Variants in FREM2 observed in about 807,000 individuals in gnomAD.
The protein encoded by FREM2 is FRAS1-related extracellular matrix protein 2.
FREM2 carries 119 observed loss-of-function variants against 219.9 expected under a neutral mutation model. The ratio of observed to expected loss-of-function variants is 0.54; its 90% CI spans 0.47 to 0.63. The LOEUF is 0.63. Ranked by LOEUF, FREM2 falls within the 30% of genes least tolerant of loss-of-function variation. The pLI, the probability that FREM2 is intolerant of heterozygous loss-of-function variation, is 0.00. For missense variants in FREM2, 4,030 were observed against 3,993.6 expected (o/e 1.01, Z -0.25); for synonymous variants, 1,562 against 1,522.8 (o/e 1.03, Z -0.60).
intron 2 of FREM2, among the ~76,000 whole-genome samples, chr13:38,756,833 GC>G (rs1473262341): frequency 6.6e-6 from 1 of 151,504 alleles, no homozygotes; most frequent in African/African-American, 2.4e-5. Context: ...GAACCACCAT[GC>G]CTGGCTGGTT....
chr13:38,817,323 A>G (rs1294259662), intron 6 of FREM2, among the ~76,000 whole-genome samples: 1 of 152,162 alleles, frequency 6.6e-6, no homozygotes, highest in Non-Finnish European at 1.5e-5. Context: ...CTACAAAGCT[A>G]TAGTAAGTAC....
intron 2 of FREM2, among the ~76,000 whole-genome samples, chr13:38,757,718 C>T (rs899485185): frequency 6.6e-6 from 1 of 152,026 alleles, no homozygotes; most frequent in Admixed American, 6.6e-5. Context: ...TCTCAGCCTC[C>T]TGAGTAGCTG....
rs776672407 is a variant in FREM2, at chr13:38,859,252, ACT to A, written c.7216-32_7216-31del. ...GAAGAATGCGTTCCACCTGTTCTAC[ACT>A]CTGTTCCTAACACAGTCATTTGTTT... is the stretch of plus-strand genomic sequence containing the variant. On this transcript the variant is annotated intron_variant, in intron 13 of 23. Coordinates refer to ENST00000280481, the MANE Select transcript of FREM2 (RefSeq NM_207361.6). 2.2e-5 allele frequency: 36 copies of A among 1,606,684 alleles called. 1 individual carries two copies. The Middle Eastern group carries it at 9.9e-4, about 44-fold the overall frequency.
chr13:38,824,313 GCT>G (rs1876186407), intron 6 of FREM2, among the ~76,000 whole-genome samples: 3 of 152,038 alleles, frequency 2.0e-5, no homozygotes, highest in African/African-American at 7.2e-5. Flanking sequence ...TCTAATTCTG[GCT>G]CTGTCTTATA....
At chr13:38,823,604 C>CCCTCTCTA (rs1242831914) in intron 6 of FREM2, among the ~76,000 whole-genome samples, 1 of 152,056 alleles carries the variant, frequency 6.6e-6, no homozygotes, top group Non-Finnish European at 1.5e-5. Flanking sequence ...GAAAAATTCT[C>CCCTCTCTA]CCTCTCTACC....
At position 38,880,981 on chromosome 13, in the gene FREM2, C is replaced by T; in HGVS notation, c.*194C>T. On this transcript the variant is annotated 3_prime_UTR_variant, in exon 24 of 24. Coordinates refer to ENST00000280481, the MANE Select transcript of FREM2 (RefSeq NM_207361.6). ...TGCATCAAAGGACAAATTAAGGCAT[C>T]TTTCCTCTTGCCCCAAAGGCAGCAA... is the stretch of plus-strand genomic sequence containing the variant. The T allele has an allele frequency of 5.7e-6, 4 of 703,692 alleles. No individual in the cohort carries two copies. The highest frequency in any genetic ancestry group is 1.7e-5 in the South Asian group (1 of 57,318). 43.6% of individuals were successfully genotyped at this position (703,692 alleles called of 1,614,324 possible).
At chr13:38,733,810 T>C (rs769874089) in intron 2 of FREM2, among the ~76,000 whole-genome samples, 3 of 152,154 alleles carry the variant, frequency 2.0e-5, no homozygotes, top group Non-Finnish European at 4.4e-5. Context: ...ATCCAACCTG[T>C]CTTACTGTTT....
At position 38,872,822 on chromosome 13, in the gene FREM2, A is replaced by G; in HGVS notation, c.8064A>G (p.Val2688=). 6.2e-7 allele frequency: 1 copy of G among 1,614,022 alleles called. No individual in the cohort carries two copies. The highest frequency in any genetic ancestry group is 8.5e-7 in the Non-Finnish European group (1 of 1,179,898). The part of the protein sequence containing the change: ...VSYVFHSPVG[V]GGWQHFDLKS... Reference sequence around the variant, plus strand: ...ACGTGTTCCATTCCCCCGTGGGGGTAGGAGGCTGGCAGCATTTTGACTTGA... The same window carrying G: ...ACGTGTTCCATTCCCCCGTGGGGGTGGGAGGCTGGCAGCATTTTGACTTGA... Residue 2688 remains valine (V), a synonymous_variant, in exon 17 of 24, where the codon GTA becomes GTG. Transcript: ENST00000280481.
intron 17 of FREM2, among the ~76,000 whole-genome samples, chr13:38,873,931 C>T (rs535043445): frequency 2.6e-4 from 40 of 152,034 alleles, no homozygotes; most frequent in African/African-American, 8.9e-4. Context: ...GTTTTAAGTC[C>T]GTGTCTTGTT....
At chr13:38,739,196 G>A (rs2137777682) in intron 2 of FREM2, among the ~76,000 whole-genome samples, 1 of 152,250 alleles carries the variant, frequency 6.6e-6, no homozygotes. Flanking sequence ...TCACTATTTT[G>A]TTAAGAAAGT....
chr13:38,742,397 A>T (rs529733292), intron 2 of FREM2, among the ~76,000 whole-genome samples: 2 of 152,322 alleles, frequency 1.3e-5, no homozygotes, highest in East Asian at 3.9e-4. Flanking sequence ...ACATATGGAA[A>T]TGTGAATTTG....
At chr13:38,846,831 G>T (rs1877176189) in intron 7 of FREM2, 109 bp downstream of exon 7, 1 of 1,268,430 alleles carries the variant, frequency 7.9e-7, no homozygotes, top group East Asian at 2.3e-5. Context: ...CAGTTGGCTG[G>T]GTATATTGTT....
In FREM2 at chr13:38,744,095, G is replaced by T. The variant is rs887459855; in HGVS notation, c.5264-20209G>T. On this transcript the variant is annotated intron_variant, in intron 2 of 23. Transcript: ENST00000280481. ...AATGAATAAACACAAAGATATTTTT[G>T]AATTTAAAAAGTGTCAGCTAAGAAG... is the stretch of plus-strand genomic sequence containing the variant. 2.0e-5 allele frequency among the ~76,000 whole-genome samples: 3 copies of T among 150,648 alleles called. No homozygotes were observed. The Admixed American group carries it at 2.0e-4, about 10-fold the overall frequency.
Position 38,885,244 on chromosome 13 carries a change from A to G in FREM2, c.*4457A>G, listed in dbSNP as rs967646333. 1 of 152,204 alleles carries G rather than the reference A, an allele frequency of 6.6e-6. No homozygotes were observed. Among genetic ancestry groups the G allele is most frequent in the Non-Finnish European group, 1.5e-5 (1 of 68,020 alleles). The allele number at this position is 152,204 out of a possible 1,614,324, so 9.4% of individuals were successfully genotyped here. ...AAGAAAACTGACTCTCTCTTGAACT[A>G]GTGTTGACAAAATACACTAATGTCT... is the stretch of plus-strand genomic sequence containing the variant. On this transcript the variant is annotated 3_prime_UTR_variant, in exon 24 of 24. Coordinates refer to ENST00000280481, the MANE Select transcript of FREM2 (RefSeq NM_207361.6).
rs1195426137 is a variant in FREM2, at chr13:38,880,572, C to T, written c.9295C>T (p.Pro3099Ser). 9 of 1,613,994 alleles carry T rather than the reference C, an allele frequency of 5.6e-6. No homozygotes were observed. The highest frequency in any genetic ancestry group is 4.0e-5 in the African/African-American group (3 of 74,940). The change falls in exon 24 of 24, where the codon CCC (proline) becomes TCC (serine). Residue 3099 changes from proline to serine, a missense_variant. By Grantham distance (74) the Pro-to-Ser change is moderately conservative. Transcript: ENST00000280481. ...GAGAGCACCTCCAGATGGCATCCTC[C>T]CCTGGGAGCTCAACAGCCCCAGCTC... The part of the protein sequence containing the change: ...HGRAPPDGIL[P>S]WELNSPSSAV...
chr13:38,786,501 CTTTAA>C (rs773804397), intron 6 of FREM2, among the ~76,000 whole-genome samples: 6 of 151,976 alleles, frequency 3.9e-5, no homozygotes, highest in Admixed American at 1.3e-4. Flanking sequence ...TTTATTTTAA[CTTTAA>C]TTTATCTTAA....
rs112174489 is a variant in FREM2 at position 38,718,012 on chromosome 13, C to A, written c.5263+20225C>A. On this transcript the variant is annotated intron_variant, in intron 2 of 23. Transcript: ENST00000280481. The stretch of plus-strand genomic sequence containing the variant: ...CAAGTACAAAACTAAAAATAACCAA[C>A]CAGAAAGAATCACAATTAGCAATTA... 3.3e-3 allele frequency among the ~76,000 whole-genome samples: 509 copies of A among 152,234 alleles called. 7 individuals carry two copies. The highest frequency in any genetic ancestry group is 0.012 in the African/African-American group (487 of 41,544).
intron 18 of FREM2, among the ~76,000 whole-genome samples, chr13:38,875,622 T>C (rs776331461): frequency 6.6e-6 from 1 of 152,254 alleles, no homozygotes; most frequent in Non-Finnish European, 1.5e-5. Flanking sequence ...TGGATACTAA[T>C]AGACTATTTT....
At chr13:38,874,907 T>C (rs1020701838) in intron 18 of FREM2, among the ~76,000 whole-genome samples, 1 of 152,326 alleles carries the variant, frequency 6.6e-6, no homozygotes, top group African/African-American at 2.4e-5. Flanking sequence ...TTTGCTTCCA[T>C]TGTACAAATC....
Sources: allele counts gnomAD v4.1 joint callset (sites outside exome capture counted in the v4.1 genomes callset), GRCh38; gene constraint gnomAD v4.1.1; transcripts MANE v1.5; gene names NCBI Gene and HGNC (gene_info 2026-07-23, HGNC 2026-07-21).